Variants in IGSF21 observed in about 807,000 individuals in gnomAD.
IGSF21 encodes the protein immunoglobin superfamily member 21.
In IGSF21, 28 loss-of-function variants were observed where a neutral mutation model predicts 46.8. The observed-to-expected ratio is 0.60, with a 90% CI of 0.44 to 0.82. The LOEUF is 0.82. IGSF21 is among the 40% of genes least tolerant of loss of function. The probability of loss-of-function intolerance (pLI) is 0.00; values close to 1 mark genes in which losing one functional copy is unlikely to be tolerated. For synonymous variants in IGSF21, 284 were observed against 273.6 expected, an observed-to-expected ratio of 1.04 and a Z score of -0.38; for missense variants, 624 against 665.5, an observed-to-expected ratio of 0.94 and a Z score of 0.69.
At chr1:18,325,634 T>G (rs1266680) in intron 3 of IGSF21, among the ~76,000 whole-genome samples, 42,867 of 152,050 alleles carry the variant, frequency 0.28, 7,004 homozygotes, top group East Asian at 0.56. Flanking sequence ...AGGCTCACCA[T>G]AATCTGCGCT....
intron 1 of IGSF21, among the ~76,000 whole-genome samples, chr1:18,217,588 C>G (rs1265697245): frequency 6.6e-6 from 1 of 152,238 alleles, no homozygotes; most frequent in Non-Finnish European, 1.5e-5. Flanking sequence ...TGTCTTCCTG[C>G]TGCCACCTTG....
At chr1:18,136,972 C>T (rs1381073660) in intron 1 of IGSF21, among the ~76,000 whole-genome samples, 1 of 152,160 alleles carries the variant, frequency 6.6e-6, no homozygotes, top group Non-Finnish European at 1.5e-5. Flanking sequence ...AGGTCCTTCA[C>T]ATCCCTTGTA....
intron 1 of IGSF21, among the ~76,000 whole-genome samples, chr1:18,192,686 C>A (rs2086969621): frequency 6.6e-6 from 1 of 151,966 alleles, no homozygotes; most frequent in Admixed American, 6.6e-5. Context: ...GATCAGAAGG[C>A]CTGGGTTGGC....
Position 18,290,793 on chromosome 1 carries a change from C to A in IGSF21, c.184-1073C>A, listed in dbSNP as rs2085257666. On this transcript the variant is annotated intron_variant, in intron 2 of 9. Coordinates refer to ENST00000251296, the MANE Select transcript of IGSF21 (RefSeq NM_032880.5). The surrounding 1 kb of genome is among the most constrained non-coding windows in gnomAD (Gnocchi z 4.2). ...GAAGCTGCTTTCAGCATCCCCCCTA[C>A]CCCAGCCCCTTGGAGTCACCCGTCC... Among the ~76,000 whole-genome samples, 1 of 152,036 alleles carries A rather than the reference C, an allele frequency of 6.6e-6. No homozygotes were observed. Among genetic ancestry groups the A allele is most frequent in the South Asian group, 2.1e-4 (1 of 4,822 alleles).
At chr1:18,320,371 A>T (rs1217857808) in intron 3 of IGSF21, among the ~76,000 whole-genome samples, 1 of 152,134 alleles carries the variant, frequency 6.6e-6, no homozygotes, top group Non-Finnish European at 1.5e-5. Context: ...CCTACTTTTT[A>T]AGAGAACCCA....
At chr1:18,263,575 A>G (rs1405703643) in intron 2 of IGSF21, among the ~76,000 whole-genome samples, 1 of 151,966 alleles carries the variant, frequency 6.6e-6, no homozygotes, top group Non-Finnish European at 1.5e-5. Flanking sequence ...CAGCTTCTGG[A>G]TCTTAATTTT....
chr1:18,365,544 C>A lies in IGSF21; in HGVS notation c.862C>A (p.Arg288Ser), dbSNP rs752370692. The change falls in exon 6 of 10, where the codon CGC becomes AGC. Residue 288 changes from arginine to serine, a missense_variant. Physicochemically the swap from Arg to Ser is moderately radical, Grantham distance 110. Transcript: ENST00000251296. The surrounding 1 kb of genome is among the most constrained non-coding windows in gnomAD (Gnocchi z 4.8). ...VHSAEPTYFL[R>S]HSRTPSSDGT... ...CAGCGCCGAGCCCACCTACTTCCTG[C>A]GCCACAGCCGCACCCCGAGCAGTGA... The A allele has an allele frequency of 6.2e-7, 1 of 1,614,140 alleles. No homozygotes were observed. Among genetic ancestry groups the A allele is most frequent in the Non-Finnish European group, 8.5e-7 (1 of 1,180,034 alleles).
At chr1:18,201,781 C>A (rs1236508193) in intron 1 of IGSF21, among the ~76,000 whole-genome samples, 3 of 152,160 alleles carry the variant, frequency 2.0e-5, no homozygotes, top group Non-Finnish European at 2.9e-5. Flanking sequence ...ACCTTTATAG[C>A]CAAGTCTGAG....
chr1:18,254,901 T>C (rs539338095), intron 2 of IGSF21, among the ~76,000 whole-genome samples: 2 of 152,292 alleles, frequency 1.3e-5, no homozygotes, highest in Non-Finnish European at 2.9e-5. Flanking sequence ...CCTCCATTCA[T>C]CCAGCACTTA....
rs147816469 is a variant in IGSF21, at chr1:18,171,774, C to T, written c.71-56124C>T. ...AACTTTAATTTTGTTGAGTAATTCC[C>T]CTTCCCCCATGTGGATATGGACTTC... On this transcript the variant is annotated intron_variant, in intron 1 of 9. Coordinates refer to ENST00000251296, the MANE Select transcript of IGSF21 (RefSeq NM_032880.5). Among the ~76,000 whole-genome samples the T allele has an allele frequency of 2.4e-3, 360 of 152,304 alleles. 2 individuals are homozygous for T. Among genetic ancestry groups the T allele is most frequent in the Non-Finnish European group, 4.2e-3 (283 of 68,024 alleles).
intron 2 of IGSF21, among the ~76,000 whole-genome samples, chr1:18,273,450 CTTTCTTTCTCTCTCTTTCTTTCTT>C (rs2085066574): frequency 1.2e-5 from 1 of 84,632 alleles, no homozygotes; most frequent in African/African-American, 5.3e-5. Context: ...TTCTCACTTT[CTTTCTTTCTCTCTCTTTCTTTCTT>C]TCTTTCTTTC....
intron 2 of IGSF21, among the ~76,000 whole-genome samples, chr1:18,276,030 T>A (rs1381059851): frequency 6.6e-6 from 1 of 152,198 alleles, no homozygotes; most frequent in African/African-American, 2.4e-5. Context: ...TTCTTATTTA[T>A]GATCTTTTCA....
chr1:18,215,576 A>T (rs1019471993), intron 1 of IGSF21, among the ~76,000 whole-genome samples: 1 of 152,160 alleles, frequency 6.6e-6, no homozygotes, highest in African/African-American at 2.4e-5. Context: ...TGATGGGGGC[A>T]AAGTGACGGT....
intron 2 of IGSF21, among the ~76,000 whole-genome samples, chr1:18,231,921 T>TTG (rs2084629990): frequency 8.2e-5 from 4 of 48,684 alleles, no homozygotes; most frequent in African/African-American, 1.6e-4. Context: ...CATCATTAGA[T>TTG]CGTGTGTGTG....
At chr1:18,197,840 G>A (rs1332375018) in intron 1 of IGSF21, among the ~76,000 whole-genome samples, 1 of 152,230 alleles carries the variant, frequency 6.6e-6, no homozygotes, top group Admixed American at 6.5e-5. Context: ...TGGAACAAGA[G>A]TAAGTCTTCA....
At chr1:18,174,310 G>A (rs958673161) in intron 1 of IGSF21, among the ~76,000 whole-genome samples, 6 of 152,092 alleles carry the variant, frequency 3.9e-5, no homozygotes, top group South Asian at 2.1e-4. Context: ...CCCCGAATCC[G>A]AGCAGCCCGT....
chr1:18,119,666 T>G (rs1343969028), intron 1 of IGSF21, among the ~76,000 whole-genome samples: 1 of 152,146 alleles, frequency 6.6e-6, no homozygotes. Flanking sequence ...TTAATGCCCC[T>G]CTATCACATG....
At chr1:18,234,031 T>A (rs2084651654) in intron 2 of IGSF21, among the ~76,000 whole-genome samples, 1 of 152,046 alleles carries the variant, frequency 6.6e-6, no homozygotes, top group African/African-American at 2.4e-5. Flanking sequence ...GGCAAGAAGG[T>A]AGGTACACTC....
chr1:18,132,656 C>G (rs902962060), intron 1 of IGSF21, among the ~76,000 whole-genome samples: 2 of 152,130 alleles, frequency 1.3e-5, no homozygotes, highest in Non-Finnish European at 2.9e-5. Flanking sequence ...TTTCTTCTCC[C>G]TGGCAAAGAC....
Sources: gnomAD v4.1 joint callset for allele counts (sites outside exome capture counted in the v4.1 genomes callset) on GRCh38, gnomAD v4.1.1 for gene constraint, Gnocchi (gnomAD v3.1) non-coding constraint, MANE v1.5 for transcripts, NCBI Gene and HGNC (gene_info 2026-07-23, HGNC 2026-07-21) for gene names.